ANKRD36C: variants seen among roughly 807,000 people sequenced by gnomAD.
ANKRD36C encodes the protein ankyrin repeat domain 36C.
ANKRD36C carries 61 observed loss-of-function variants against 276.4 expected under a neutral mutation model. That is an observed-to-expected ratio of 0.22 (90% CI 0.18 to 0.27). ANKRD36C has a LOEUF of 0.27. Ranked by LOEUF, ANKRD36C falls within the 10% of genes least tolerant of loss-of-function variation. The pLI is 1.00. For missense variants in ANKRD36C, 1,447 were observed against 2,032.3 expected, an observed-to-expected ratio of 0.71 and a Z score of 5.54; for synonymous variants, 483 against 680.1, an observed-to-expected ratio of 0.71 and a Z score of 4.51.
In ANKRD36C at chr2:95,891,827, A is replaced by T. The variant is rs1558629326; in HGVS notation, c.2784+5T>A. The T allele has an allele frequency of 6.4e-7, 1 of 1,560,790 alleles. No homozygotes were observed. Among genetic ancestry groups the T allele is most frequent in the Admixed American group, 1.9e-5 (1 of 52,740 alleles). On this transcript the variant is annotated splice_donor_5th_base_variant and intron_variant, in intron 45 of 66. Transcript: ENST00000456556. ...AGTTCACAATATAAATGACAGTTTC[A>T]TTACCTTCAAGCCTGATGGTTTCTC...
intron 3 of ANKRD36C, among the ~76,000 whole-genome samples, chr2:95,985,311 T>C (rs1368077535): frequency 1.3e-5 from 2 of 152,218 alleles, no homozygotes; most frequent in African/African-American, 2.4e-5. Flanking sequence ...AGGAGAAATT[T>C]AAAGGAAGCA....
At chr2:95,921,712 A>G in intron 33 of ANKRD36C, 33 bp from the exon 34 acceptor site, 1 of 1,584,992 alleles carries the variant, frequency 6.3e-7, no homozygotes, top group Non-Finnish European at 8.6e-7. Flanking sequence ...TAATAAATAA[A>G]TAAATAAATG....
intron 56 of ANKRD36C, among the ~76,000 whole-genome samples, chr2:95,880,997 A>G (rs1010407404): frequency 1.7e-4 from 26 of 152,256 alleles, no homozygotes; most frequent in African/African-American, 5.1e-4. Context: ...CATGACTTTC[A>G]TACAAGACAT....
intron 1 of ANKRD36C, among the ~76,000 whole-genome samples, chr2:95,990,037 GA>G (rs1386526823): frequency 6.6e-6 from 1 of 151,886 alleles, no homozygotes; most frequent in African/African-American, 2.4e-5. Flanking sequence ...TTATAAACTG[GA>G]TTTTTTTTAT....
rs1233017480 is a variant in ANKRD36C at position 95,898,500 on chromosome 2, AGT to A, written c.2755+643_2755+644del. 2.8e-5 allele frequency among the ~76,000 whole-genome samples: 3 copies of A among 108,444 alleles called. No individual in the cohort carries two copies. The South Asian group carries it at 1.0e-3, about 37-fold the overall frequency. The allele number at this position is 108,444 out of a possible 152,430, so 71.1% of individuals were successfully genotyped here. A position where few individuals can be genotyped will look rare whatever the true frequency, so the allele number is the denominator to read the frequency against. The stretch of plus-strand genomic sequence containing the variant: ...TAGTAACAAAGAGGAGTAATGAGTC[AGT>A]GTGTGTGTTTTTATGCCAATTCTAG... On this transcript the variant is annotated intron_variant, in intron 44 of 66. Coordinates refer to ENST00000456556, the Ensembl canonical transcript of ANKRD36C.
chr2:95,933,667 G>A (rs911726507), intron 24 of ANKRD36C, among the ~76,000 whole-genome samples: 1 of 152,110 alleles, frequency 6.6e-6, no homozygotes, highest in Non-Finnish European at 1.5e-5. Context: ...AGCTGAAGGA[G>A]ATTTGGGACT....
chr2:95,948,387 T>G, intron 17 of ANKRD36C, 143 bp downstream of exon 17: 1 of 777,920 alleles, frequency 1.3e-6, no homozygotes, highest in South Asian at 2.6e-5. Context: ...CCCCCCCTAT[T>G]TCTTTAAAAT....
rs910151446 is a variant in ANKRD36C, at chr2:95,953,793, C to T, written c.1203+146G>A. ...AAAAAAAATTAAAATTAACCCCTCT[C>T]ATTTCTTTAAAATGGTTTTCTCTAA... On this transcript the variant is annotated intron_variant, in intron 14 of 66. Transcript: ENST00000456556. 88 of 622,720 alleles carry T rather than the reference C, an allele frequency of 1.4e-4. 2 individuals carry two copies. The highest frequency in any genetic ancestry group is 1.3e-3 in the African/African-American group (68 of 50,962). 38.6% of individuals were successfully genotyped at this position (622,720 alleles called of 1,614,324 possible). A position where few individuals can be genotyped will look rare whatever the true frequency, so the allele number is the denominator to read the frequency against.
rs375331391 is a variant in ANKRD36C, at chr2:95,908,028, C to G, written c.2653+4216G>C. Among the ~76,000 whole-genome samples, 3 of 150,938 alleles carry G rather than the reference C, an allele frequency of 2.0e-5. No homozygotes were observed. In the East Asian group the frequency reaches 5.9e-4, roughly 30 times the overall value. On this transcript the variant is annotated intron_variant, in intron 42 of 66. Coordinates refer to ENST00000456556, the Ensembl canonical transcript of ANKRD36C. ...ATATAAATGACTTCCTCTTTTCACACCTTCCTGCCTCACAATCTGTCTTCC... is the reference window on the plus strand; with the variant it reads ...ATATAAATGACTTCCTCTTTTCACAGCTTCCTGCCTCACAATCTGTCTTCC...
intron 44 of ANKRD36C, among the ~76,000 whole-genome samples, chr2:95,896,944 C>T (rs1676568327): frequency 6.8e-6 from 1 of 147,122 alleles, no homozygotes; most frequent in Non-Finnish European, 1.5e-5. Context: ...TTCTATACTT[C>T]CTCTCTTTCT....
chr2:95,960,446 G>A (rs1357713530), intron 10 of ANKRD36C, 27 bp downstream of exon 10: 1 of 1,540,070 alleles, frequency 6.5e-7, no homozygotes, highest in Non-Finnish European at 8.7e-7. Flanking sequence ...CAGTGAACGT[G>A]GCATTAAATG....
downstream of ANKRD36C, among the ~76,000 whole-genome samples, chr2:95,850,489 G>A (rs572038860): frequency 2.4e-4 from 36 of 152,352 alleles, no homozygotes; most frequent in African/African-American, 8.2e-4. Context: ...ATGTAGGATA[G>A]AGGGAAGAAG....
intron 12 of ANKRD36C, among the ~76,000 whole-genome samples, chr2:95,957,673 T>A (rs567103477): frequency 5.9e-5 from 9 of 152,328 alleles, no homozygotes; most frequent in Admixed American, 5.2e-4. Flanking sequence ...AATAAGGTTG[T>A]CCATTTGGAA....
At chr2:95,871,227 A>C (rs1675804137) in intron 59 of ANKRD36C, among the ~76,000 whole-genome samples, 1 of 152,170 alleles carries the variant, frequency 6.6e-6, no homozygotes, top group Admixed American at 6.5e-5. Flanking sequence ...GATTCACCAA[A>C]GTTGAAATGA....
At chr2:95,981,471 A>G (rs1678915501) in intron 4 of ANKRD36C, among the ~76,000 whole-genome samples, 1 of 147,372 alleles carries the variant, frequency 6.8e-6, no homozygotes, top group Non-Finnish European at 1.5e-5. Flanking sequence ...TATTGTATAT[A>G]TTATATGATA....
At chr2:95,895,933 A>G (rs1385479607) in intron 44 of ANKRD36C, among the ~76,000 whole-genome samples, 2 of 150,626 alleles carry the variant, frequency 1.3e-5, no homozygotes, top group African/African-American at 4.9e-5. Context: ...AATCAATGTC[A>G]AAACAGGTGC....
chr2:95,988,330 T>C (rs1390997486), intron 1 of ANKRD36C, among the ~76,000 whole-genome samples: 1 of 152,030 alleles, frequency 6.6e-6, no homozygotes, highest in African/African-American at 2.4e-5. Context: ...TTTGAGACTG[T>C]CATAAGTTTC....
At chr2:95,921,852 AC>A (rs755251347) in intron 32 of ANKRD36C, 42 bp from the exon 33 acceptor site, 1 of 1,558,544 alleles carries the variant, frequency 6.4e-7, no homozygotes, top group African/African-American at 1.4e-5. Flanking sequence ...TAAATATGAT[AC>A]ATTTTCCATA....
downstream of ANKRD36C, among the ~76,000 whole-genome samples, chr2:95,850,967 AT>A (rs1207356184): frequency 6.6e-6 from 1 of 152,244 alleles, no homozygotes; most frequent in Non-Finnish European, 1.5e-5. Flanking sequence ...GCTATGGAAC[AT>A]GATGAATTAA....
Sources: allele counts gnomAD v4.1 joint callset (sites outside exome capture counted in the v4.1 genomes callset), GRCh38; gene constraint gnomAD v4.1.1; transcripts MANE v1.5; gene names NCBI Gene and HGNC (gene_info 2026-07-23, HGNC 2026-07-21).